The following DOCK3 variants were observed in gnomAD, a reference collection of about 807,000 sequenced individuals.
DOCK3 encodes the protein dedicator of cytokinesis 3.
DOCK3 carries 60 observed loss-of-function variants against 265.6 expected under a neutral mutation model. The ratio of observed to expected loss-of-function variants is 0.23; its 90% confidence interval spans 0.18 to 0.28. The LOEUF is 0.28. Among genes scored for constraint, DOCK3 ranks in the 10% least tolerant of loss-of-function variants. The probability of loss-of-function intolerance (pLI) is 1.00; values close to 1 mark genes in which losing one functional copy is unlikely to be tolerated. For missense variants in DOCK3, 1,981 were observed against 2,594.3 expected, an observed-to-expected ratio of 0.76 and a Z score of 5.14; for synonymous variants, 881 against 938.0, an observed-to-expected ratio of 0.94 and a Z score of 1.11.
chr3:51,314,904 G>A (rs2083284328), intron 31 of DOCK3, 76 bp from the exon 32 acceptor site: 1 of 1,469,936 alleles, frequency 6.8e-7, no homozygotes. Flanking sequence ...ATTGTAGCAT[G>A]TGTTGTGGCC....
Position 51,016,882 on chromosome 3 carries a change from T to TATATATC in DOCK3, c.316-47560_316-47559insCATATAT, listed in dbSNP as rs1229639359. On this transcript the variant is annotated intron_variant, in intron 5 of 52. Transcript: ENST00000266037. ...TATAAATATATATGATATATGTTTATATATATAAATATATATGATATATGT... is the reference window on the plus strand; with the variant it reads ...TATAAATATATATGATATATGTTTATATATATCATATATAAATATATATGATATATGT... Among the ~76,000 whole-genome samples, 4 of 116,832 alleles carry TATATATC rather than the reference T, an allele frequency of 3.4e-5. 1 individual carries two copies. Among genetic ancestry groups the TATATATC allele is most frequent in the African/African-American group, 1.4e-4 (4 of 29,096 alleles). 76.6% of individuals were successfully genotyped at this position (116,832 alleles called of 152,430 possible).
At chr3:51,283,559 G>T (rs1478957846) in intron 27 of DOCK3, among the ~76,000 whole-genome samples, 1 of 152,172 alleles carries the variant, frequency 6.6e-6, no homozygotes, top group African/African-American at 2.4e-5. Context: ...GTGGACATGT[G>T]GCAGTCTGGC....
At chr3:50,942,080 A>G (rs2076311357) in intron 5 of DOCK3, among the ~76,000 whole-genome samples, 1 of 152,082 alleles carries the variant, frequency 6.6e-6, no homozygotes, top group Non-Finnish European at 1.5e-5. Context: ...GTGGTTATAT[A>G]AGATCTTATC....
At chr3:51,034,831 C>A (rs945084439) in intron 5 of DOCK3, among the ~76,000 whole-genome samples, 1 of 151,920 alleles carries the variant, frequency 6.6e-6, no homozygotes, top group African/African-American at 2.4e-5. Flanking sequence ...ACTTTCATTT[C>A]TTTAACAGTC....
intron 51 of DOCK3, 136 bp from the exon 52 acceptor site, chr3:51,379,989 T>C: frequency 1.5e-6 from 1 of 673,890 alleles, no homozygotes; most frequent in African/African-American, 1.8e-5. Flanking sequence ...TAAAGAGAGG[T>C]TTATCCATAG....
At chr3:50,760,199 C>T (rs1357187409) in intron 1 of DOCK3, among the ~76,000 whole-genome samples, 1 of 152,092 alleles carries the variant, frequency 6.6e-6, no homozygotes, top group Non-Finnish European at 1.5e-5. Flanking sequence ...AGGGTCCATC[C>T]AACTTTATTC....
intron 35 of DOCK3, among the ~76,000 whole-genome samples, chr3:51,335,950 C>A: frequency 6.7e-6 from 1 of 150,108 alleles, no homozygotes. Flanking sequence ...TGAGATTGCG[C>A]CACTGAACTC....
chr3:51,091,174 G>A (rs902432138), intron 9 of DOCK3, among the ~76,000 whole-genome samples: 20 of 152,268 alleles, frequency 1.3e-4, no homozygotes, highest in Non-Finnish European at 1.5e-5. Flanking sequence ...TGTAGAGAAG[G>A]TAGTAGTGGT....
chr3:51,031,201 A>G (rs1030141739), intron 5 of DOCK3, among the ~76,000 whole-genome samples: 1 of 152,006 alleles, frequency 6.6e-6, no homozygotes, highest in South Asian at 2.1e-4. Flanking sequence ...TTGGTAATAG[A>G]TATTTGGGTA....
At chr3:50,902,523 T>TGTTCCATTG (rs1301563184) in intron 4 of DOCK3, among the ~76,000 whole-genome samples, 15 of 152,232 alleles carry the variant, frequency 9.9e-5, no homozygotes, top group African/African-American at 3.4e-4. Flanking sequence ...TTCTCTGTTC[T>TGTTCCATTG]GTTCCATTGG....
chr3:50,855,379 ATGTTGTGTTG>A (rs60885870), intron 3 of DOCK3, among the ~76,000 whole-genome samples: 15,033 of 151,526 alleles, frequency 0.099, 909 homozygotes, highest in Non-Finnish European at 0.13. Flanking sequence ...GTATTGTATT[ATGTTGTGTTG>A]TGTTGTGTTG....
At chr3:50,869,335 G>T (rs2047316984) in intron 3 of DOCK3, among the ~76,000 whole-genome samples, 3 of 58,922 alleles carry the variant, frequency 5.1e-5, no homozygotes, top group Non-Finnish European at 7.3e-5. Flanking sequence ...ATTTATTTCT[G>T]CTGGGAATTT....
intron 5 of DOCK3, among the ~76,000 whole-genome samples, chr3:51,006,803 ATGT>A (rs1375267182): frequency 6.6e-6 from 1 of 151,956 alleles, no homozygotes; most frequent in Non-Finnish European, 1.5e-5. Context: ...GCCCGGGTGT[ATGT>A]TGTTCCCCAC....
intron 22 of DOCK3, among the ~76,000 whole-genome samples, chr3:51,259,325 G>A (rs2079725468): frequency 6.6e-6 from 1 of 152,156 alleles, no homozygotes; most frequent in South Asian, 2.1e-4. Flanking sequence ...CCTGACTTCT[G>A]TTTGTTTCAG....
chr3:51,044,344 C>T (rs1489504753), intron 5 of DOCK3, among the ~76,000 whole-genome samples: 1 of 152,072 alleles, frequency 6.6e-6, no homozygotes, highest in African/African-American at 2.4e-5. Flanking sequence ...AAACCAAATA[C>T]CACATATTCT....
At chr3:51,080,990 C>A (rs1313665206) in intron 7 of DOCK3, among the ~76,000 whole-genome samples, 1 of 151,368 alleles carries the variant, frequency 6.6e-6, no homozygotes, top group Non-Finnish European at 1.5e-5. Context: ...TTTTGCCCAG[C>A]TGGTGGAGAC....
At chr3:50,749,190 C>A (rs963960205) in intron 1 of DOCK3, among the ~76,000 whole-genome samples, 14 of 152,132 alleles carry the variant, frequency 9.2e-5, no homozygotes, top group African/African-American at 3.4e-4. Flanking sequence ...TTTAACTTGT[C>A]TTTCTTTGTT....
At chr3:51,099,852 A>G (rs546174382) in intron 9 of DOCK3, among the ~76,000 whole-genome samples, 1 of 152,306 alleles carries the variant, frequency 6.6e-6, no homozygotes, top group South Asian at 2.1e-4. Flanking sequence ...TGTGCTAAAT[A>G]AGATTGTCAG....
Position 50,978,865 on chromosome 3 carries a change from C to T in DOCK3, c.315+44788C>T, listed in dbSNP as rs1575665488. Among the ~76,000 whole-genome samples the T allele has an allele frequency of 2.0e-5, 3 of 152,326 alleles. No individual in the cohort carries two copies. In the East Asian group the frequency reaches 5.8e-4, roughly 29 times the overall value. On this transcript the variant is annotated intron_variant, in intron 5 of 52. Transcript: ENST00000266037. ...TCTTGTGGTGTGCCGTTTTTTAAGC[C>T]CGTCGGAAAAGCGCAGTATTCGGGT...
Sources: gnomAD v4.1 joint callset for allele counts (sites outside exome capture counted in the v4.1 genomes callset) on GRCh38, gnomAD v4.1.1 for gene constraint, MANE v1.5 for transcripts, NCBI Gene and HGNC (gene_info 2026-07-23, HGNC 2026-07-21) for gene names.